RALGAPA1: variants seen among roughly 807,000 people sequenced by gnomAD.
The protein encoded by RALGAPA1 is ral GTPase-activating protein subunit alpha-1.
RALGAPA1 carries 52 observed loss-of-function variants against 269.6 expected under a neutral mutation model. That is an observed-to-expected ratio of 0.19 (90% CI 0.15 to 0.24). The LOEUF (loss-of-function observed/expected upper bound fraction) is 0.24. RALGAPA1 is among the 10% of genes least tolerant of loss of function. RALGAPA1 has a pLI of 1.00. For synonymous variants in RALGAPA1, 817 were observed against 1,008.3 expected, an observed-to-expected ratio of 0.81 and a Z score of 3.60; for missense variants, 1,917 against 3,013.9, an observed-to-expected ratio of 0.64 and a Z score of 8.52.
At chr14:35,617,175 A>G (rs2060303740) in intron 35 of RALGAPA1, among the ~76,000 whole-genome samples, 1 of 152,150 alleles carries the variant, frequency 6.6e-6, no homozygotes. Flanking sequence ...GTTTAAGCTG[A>G]GACTTCAGGA....
chr14:35,663,869 G>A (rs937447275), intron 27 of RALGAPA1, among the ~76,000 whole-genome samples: 4 of 152,100 alleles, frequency 2.6e-5, no homozygotes, highest in Non-Finnish European at 5.9e-5. Flanking sequence ...GGGATTACAG[G>A]TGTGAGCCAC....
At position 35,717,243 on chromosome 14, in the gene RALGAPA1, CG is replaced by C. The variant is rs1322010645; in HGVS notation, c.2266+4444del. Among the ~76,000 whole-genome samples the C allele has an allele frequency of 3.9e-4, 59 of 152,060 alleles. 1 individual carries two copies. Among genetic ancestry groups the C allele is most frequent in the Admixed American group, 3.9e-3 (59 of 15,282 alleles). On this transcript the variant is annotated intron_variant, in intron 16 of 41. Coordinates refer to ENST00000680220, the MANE Select transcript of RALGAPA1 (RefSeq NM_001346249.2). ...TCGGCCCACTGCAACCTCTGCCTCC[CG>C]GGTTCAAGCTATTCTCCTGCCTCAG...
At chr14:35,591,052 T>C (rs1011201605) in intron 37 of RALGAPA1, among the ~76,000 whole-genome samples, 2 of 152,166 alleles carry the variant, frequency 1.3e-5, no homozygotes, top group Admixed American at 6.5e-5. Context: ...CAAATATGAG[T>C]TGAATACATA....
Position 35,674,256 on chromosome 14 carries a change from G to A in RALGAPA1, c.4841C>T (p.Ser1614Leu). 1.2e-6 allele frequency: 2 copies of A among 1,611,518 alleles called. No individual in the cohort carries two copies. Among genetic ancestry groups the A allele is most frequent in the Non-Finnish European group, 1.7e-6 (2 of 1,178,552 alleles). ...LAKIRDNLGISTDNLTSPSPP... is the reference protein window; with the variant it reads ...LAKIRDNLGILTDNLTSPSPP... ...AGAAGGGGAGGTCAGGTTATCAGTT[G>A]AAATGCCAAGGTTATCTCTAATCTG... is the stretch of plus-strand genomic sequence containing the variant. Residue 1614 changes from serine to leucine, a missense_variant, in exon 24 of 42, where the codon TCA becomes TTA. Ser to Leu is a moderately radical substitution (Grantham distance 145). Coordinates refer to ENST00000680220, the MANE Select transcript of RALGAPA1 (RefSeq NM_001346249.2).
chr14:35,712,836 G>C (rs1435945486), intron 16 of RALGAPA1, among the ~76,000 whole-genome samples: 1 of 152,196 alleles, frequency 6.6e-6, no homozygotes, highest in Non-Finnish European at 1.5e-5. Context: ...AATGCACCCA[G>C]CCTCTACTTC....
intron 12 of RALGAPA1, among the ~76,000 whole-genome samples, chr14:35,737,858 G>A (rs556552097): frequency 3.1e-4 from 46 of 147,802 alleles, no homozygotes; most frequent in Admixed American, 1.6e-3. Flanking sequence ...AGGCTGAAGC[G>A]GGTGGATCAC....
intron 35 of RALGAPA1, among the ~76,000 whole-genome samples, chr14:35,610,662 A>C (rs900197941): frequency 1.3e-5 from 2 of 152,232 alleles, no homozygotes; most frequent in Non-Finnish European, 2.9e-5. Flanking sequence ...ACATTGAATT[A>C]ATAATTTGAT....
chr14:35,612,508 T>C (rs985009517), intron 35 of RALGAPA1, among the ~76,000 whole-genome samples: 2 of 151,094 alleles, frequency 1.3e-5, no homozygotes, highest in African/African-American at 2.4e-5. Context: ...CAAAGGATCT[T>C]ACATTAGGCG....
At chr14:35,705,566 T>G (rs2067731754) in intron 16 of RALGAPA1, among the ~76,000 whole-genome samples, 1 of 152,192 alleles carries the variant, frequency 6.6e-6, no homozygotes, top group South Asian at 2.1e-4. Flanking sequence ...GTACAACAGT[T>G]TGTCCATTCA....
chr14:35,642,493 T>C (rs1382991344), intron 31 of RALGAPA1, among the ~76,000 whole-genome samples: 1 of 152,172 alleles, frequency 6.6e-6, no homozygotes, highest in Non-Finnish European at 1.5e-5. Flanking sequence ...TATGTTCATA[T>C]GACTATATGA....
intron 18 of RALGAPA1, 122 bp downstream of exon 18, chr14:35,688,337 A>T: frequency 8.8e-7 from 1 of 1,131,850 alleles, no homozygotes; most frequent in Non-Finnish European, 1.3e-6. Flanking sequence ...ATGCATAACC[A>T]AACAGAGAGA....
chr14:35,658,018 G>A (rs1189156164), intron 28 of RALGAPA1, among the ~76,000 whole-genome samples: 2 of 152,034 alleles, frequency 1.3e-5, no homozygotes, highest in African/African-American at 2.4e-5. Flanking sequence ...TACATCCCCC[G>A]TCCCACCAGC....
At chr14:35,608,865 T>C (rs1243516435) in intron 35 of RALGAPA1, among the ~76,000 whole-genome samples, 1 of 152,146 alleles carries the variant, frequency 6.6e-6, no homozygotes, top group Admixed American at 6.5e-5. Flanking sequence ...TACAGAATAC[T>C]CTATCCTACA....
intron 26 of RALGAPA1, among the ~76,000 whole-genome samples, chr14:35,667,383 C>G (rs559873936): frequency 6.6e-6 from 1 of 152,060 alleles, no homozygotes; most frequent in Non-Finnish European, 1.5e-5. Context: ...AGCGACAGAG[C>G]GAGACTCCAT....
At chr14:35,561,701 G>A (rs181130372) in intron 39 of RALGAPA1, among the ~76,000 whole-genome samples, 37 of 151,738 alleles carry the variant, frequency 2.4e-4, no homozygotes, top group African/African-American at 8.7e-4. Flanking sequence ...GTAGAGACAG[G>A]GTTTCACTAT....
At chr14:35,565,697 C>T (rs2056639272) in intron 39 of RALGAPA1, among the ~76,000 whole-genome samples, 1 of 152,052 alleles carries the variant, frequency 6.6e-6, no homozygotes, top group Non-Finnish European at 1.5e-5. Context: ...TCTGAGAACC[C>T]TCACTACTAC....
chr14:35,541,768 G>C, intron 41 of RALGAPA1: 1 of 457,062 alleles, frequency 2.2e-6, no homozygotes, highest in Non-Finnish European at 4.4e-6. Flanking sequence ...TTCTAGCGGA[G>C]GTTTTGGGAG....
At chr14:35,646,636 G>A (rs1240693866) in intron 31 of RALGAPA1, among the ~76,000 whole-genome samples, 3 of 152,174 alleles carry the variant, frequency 2.0e-5, no homozygotes, top group Non-Finnish European at 4.4e-5. Context: ...ATGACTGCAT[G>A]TAAGGCATAA....
At chr14:35,793,179 A>G (rs1226239346) in intron 1 of RALGAPA1, among the ~76,000 whole-genome samples, 1 of 151,672 alleles carries the variant, frequency 6.6e-6, no homozygotes, top group African/African-American at 2.4e-5. Context: ...GAGGATGGTG[A>G]TGCCATTTAT....
Sources: gnomAD v4.1 joint callset for allele counts (sites outside exome capture counted in the v4.1 genomes callset) on GRCh38, gnomAD v4.1.1 for gene constraint, MANE v1.5 for transcripts, NCBI Gene and HGNC (gene_info 2026-07-23, HGNC 2026-07-21) for gene names.